The following METRN variants were observed in gnomAD, a reference collection of about 807,000 sequenced individuals.
The protein encoded by METRN is meteorin.
A neutral mutation model predicts 17.4 loss-of-function variants in METRN; 17 were observed. That is an observed-to-expected ratio of 0.98 (90% CI 0.67 to 1.46). METRN has a LOEUF of 1.46. Among genes scored for constraint, METRN ranks in the 40% most tolerant of loss-of-function variants. The pLI is 0.00. For synonymous variants in METRN, 230 were observed against 210.8 expected, an observed-to-expected ratio of 1.09 and a Z score of -0.79; for missense variants, 489 against 456.2, an observed-to-expected ratio of 1.07 and a Z score of -0.65.
At chr16:715,539 G>GGGGACCCGCCC (rs2040152706) in intron 1 of METRN, 45 bp from the exon 2 acceptor site, 2 of 1,291,028 alleles carry the variant, frequency 1.5e-6, no homozygotes, top group South Asian at 4.5e-5. Flanking sequence ...TGCGCCGGGC[G>GGGGACCCGCCC]GGGACCCGCC....
intron 2 of METRN, chr16:716,211 A>G: frequency 4.1e-6 from 4 of 985,230 alleles, no homozygotes; most frequent in Non-Finnish European, 4.8e-6. Context: ...GAGTGGAGGG[A>G]AGGGGAGGCC....
At position 717,748 on chromosome 16, in the gene METRN, T is replaced by G; in HGVS notation, c.*361T>G. On this transcript the variant is annotated 3_prime_UTR_variant, in exon 4 of 4. Transcript: ENST00000568223. Reference sequence around the variant, plus strand: ...CTGCTGCACCCACCAGCCCCGTCCTTGCCCGCACCCTTGCCTGCTTCCCTG... The same window carrying G: ...CTGCTGCACCCACCAGCCCCGTCCTGGCCCGCACCCTTGCCTGCTTCCCTG... 2 of 224,360 alleles carry G rather than the reference T, an allele frequency of 8.9e-6. No homozygotes were observed. Among genetic ancestry groups the G allele is most frequent in the Non-Finnish European group, 8.7e-6 (1 of 115,532 alleles). 13.9% of individuals were successfully genotyped at this position (224,360 alleles called of 1,614,324 possible). A position where few individuals can be genotyped will look rare whatever the true frequency, so the allele number is the denominator to read the frequency against.
rs1251325971 is a variant in METRN at position 718,987 on chromosome 16, C to G, written c.*1600C>G. 1 of 152,400 alleles carries G rather than the reference C, an allele frequency of 6.6e-6. No homozygotes were observed. The highest frequency in any genetic ancestry group is 1.5e-5 in the Non-Finnish European group (1 of 68,164). 9.4% of individuals were successfully genotyped at this position (152,400 alleles called of 1,614,324 possible). On this transcript the variant is annotated 3_prime_UTR_variant, in exon 4 of 4. Transcript: ENST00000568223. The stretch of plus-strand genomic sequence containing the variant: ...TAGCCCGTGTGCCCTCCTGCACCGC[C>G]TCCTCCACTCCTGTCTTGGAGAGGC...
Position 715,168 on chromosome 16 carries a change from T to TG in METRN, c.-117dup, listed in dbSNP as rs1457852348. ...GCGGCAGGCGGAGCGGCCGCGGGCT[T>TG]GGGGGCTTCGCCGGGGCCGGGCGGC... On this transcript the variant is annotated 5_prime_UTR_variant, in exon 1 of 4. Coordinates refer to ENST00000568223, the MANE Select transcript of METRN (RefSeq NM_024042.4). The TG allele has an allele frequency of 2.1e-5, 5 of 233,610 alleles. No homozygotes were observed. The highest frequency in any genetic ancestry group is 2.7e-5 in the Non-Finnish European group (4 of 146,876). 14.5% of individuals were successfully genotyped at this position (233,610 alleles called of 1,614,324 possible).
chr16:716,683 A>G (rs898018387), intron 2 of METRN: 1 of 1,535,422 alleles, frequency 6.5e-7, no homozygotes, highest in Non-Finnish European at 8.7e-7. Context: ...CATGGCCCCC[A>G]GGCCCACGTC....
At chr16:716,852 G>A (rs561234505) in intron 2 of METRN, 81 bp from the exon 3 acceptor site, 116 of 1,495,158 alleles carry the variant, frequency 7.8e-5, no homozygotes, top group African/African-American at 6.1e-4. Flanking sequence ...GCCTCCTGCC[G>A]CTTGTGCGGA....
rs757933553 is a variant in METRN, at chr16:718,411, C to T, written c.*1024C>T. On this transcript the variant is annotated 3_prime_UTR_variant, in exon 4 of 4. Transcript: ENST00000568223. Reference sequence around the variant, plus strand: ...AGCCCCAGAAATGGCTTTCCATTCTCGCCTGGGCCGGGGTGGGGGTGGAGG... The same window carrying T: ...AGCCCCAGAAATGGCTTTCCATTCTTGCCTGGGCCGGGGTGGGGGTGGAGG... 8 of 152,228 alleles carry T rather than the reference C, an allele frequency of 5.3e-5. No homozygotes were observed. The highest frequency in any genetic ancestry group is 1.0e-4 in the Non-Finnish European group (7 of 68,058). 9.4% of individuals were successfully genotyped at this position (152,228 alleles called of 1,614,324 possible).
Position 715,316 on chromosome 16 carries a change from C to G in METRN, c.27C>G (p.Leu9=), listed in dbSNP as rs1401183536. 1.5e-6 allele frequency: 2 copies of G among 1,351,242 alleles called. No homozygotes were observed. The highest frequency in any genetic ancestry group is 6.3e-5 in the East Asian group (2 of 31,692). The allele number at this position is 1,351,242 out of a possible 1,614,324, so 83.7% of individuals were successfully genotyped here. A position where few individuals can be genotyped will look rare whatever the true frequency, so the allele number is the denominator to read the frequency against. ...TGGGGTTCCCGGCCGCGGCGCTGCT[C>G]TGCGCGCTGTGCTGCGGCCTCCTGG... MGFPAAAL[L]CALCCGLLAP... The change falls in exon 1 of 4, where the codon CTC becomes CTG. Residue 9 remains leucine, a synonymous_variant. Transcript: ENST00000568223.
chr16:716,163 C>G (rs2040160313), intron 2 of METRN, 179 bp downstream of exon 2: 1 of 985,322 alleles, frequency 1.0e-6, no homozygotes, highest in South Asian at 4.7e-5. Context: ...CCCCGCCCTC[C>G]CTTCCCGATT....
Position 717,759 on chromosome 16 carries a change from T to G in METRN, c.*372T>G. ...ACCAGCCCCGTCCTTGCCCGCACCCTTGCCTGCTTCCCTGGCTGGCTCCCA... is the reference window on the plus strand; with the variant it reads ...ACCAGCCCCGTCCTTGCCCGCACCCGTGCCTGCTTCCCTGGCTGGCTCCCA... On this transcript the variant is annotated 3_prime_UTR_variant, in exon 4 of 4. Coordinates refer to ENST00000568223, the MANE Select transcript of METRN (RefSeq NM_024042.4). The G allele has an allele frequency of 4.8e-6, 1 of 206,790 alleles. No homozygotes were observed. Among genetic ancestry groups the G allele is most frequent in the Non-Finnish European group, 9.6e-6 (1 of 104,256 alleles). The allele number at this position is 206,790 out of a possible 1,614,324, so 12.8% of individuals were successfully genotyped here. A position where few individuals can be genotyped will look rare whatever the true frequency, so the allele number is the denominator to read the frequency against.
Position 717,526 on chromosome 16 carries a change from G to T in METRN, c.*139G>T. 2 of 758,872 alleles carry T rather than the reference G, an allele frequency of 2.6e-6. No individual in the cohort carries two copies. Among genetic ancestry groups the T allele is most frequent in the Non-Finnish European group, 3.7e-6 (2 of 537,056 alleles). The allele number at this position is 758,872 out of a possible 1,614,324, so 47.0% of individuals were successfully genotyped here. On this transcript the variant is annotated 3_prime_UTR_variant, in exon 4 of 4. Coordinates refer to ENST00000568223, the MANE Select transcript of METRN (RefSeq NM_024042.4). ...CTGTGTCCAGCCCAGCCTTGGGCCT[G>T]CCTCGCAGCTGTGAGGATGGCTCCA... is the stretch of plus-strand genomic sequence containing the variant.
In METRN at chr16:718,270, C is replaced by G. The variant is rs1305453049; in HGVS notation, c.*883C>G. 1 of 152,318 alleles carries G rather than the reference C, an allele frequency of 6.6e-6. No individual in the cohort carries two copies. Among genetic ancestry groups the G allele is most frequent in the African/African-American group, 2.4e-5 (1 of 41,466 alleles). 9.4% of individuals were successfully genotyped at this position (152,318 alleles called of 1,614,324 possible). A position where few individuals can be genotyped will look rare whatever the true frequency, so the allele number is the denominator to read the frequency against. On this transcript the variant is annotated 3_prime_UTR_variant, in exon 4 of 4. Coordinates refer to ENST00000568223, the MANE Select transcript of METRN (RefSeq NM_024042.4). ...CCCAAGGCTCCGAGGCTAAAAGCCC[C>G]TGGGTGGGGGTGTTCCAGGACACCT...
In METRN at chr16:719,435, C is replaced by G. The variant is rs1212400087; in HGVS notation, c.*2048C>G. On this transcript the variant is annotated 3_prime_UTR_variant, in exon 4 of 4. Coordinates refer to ENST00000568223, the MANE Select transcript of METRN (RefSeq NM_024042.4). ...ATCACAGACACCGCCAGGCAAGTGC[C>G]AGTTCACACAGGTACAGGTGGCTGC... 1 of 152,312 alleles carries G rather than the reference C, an allele frequency of 6.6e-6. No individual in the cohort carries two copies. The highest frequency in any genetic ancestry group is 2.4e-5 in the African/African-American group (1 of 41,460). 9.4% of individuals were successfully genotyped at this position (152,312 alleles called of 1,614,324 possible).
At position 717,304 on chromosome 16, in the gene METRN, GC is replaced by G; in HGVS notation, c.803del (p.Pro268HisfsTer47). 6.6e-7 allele frequency: 1 copy of G among 1,524,242 alleles called. No homozygotes were observed. Among genetic ancestry groups the G allele is most frequent in the Admixed American group, 2.0e-5 (1 of 49,564 alleles). The allele number at this position is 1,524,242 out of a possible 1,614,324, so 94.4% of individuals were successfully genotyped here. The part of the protein sequence containing the change: ...SRFGEARLGC[A>X]PRFQEFRRAY... ...CTTTGGGGAGGCCCGGCTGGGCTGT[GC>G]CCCACGATTCCAGGAGTTCCGCCGT... On this transcript the variant is annotated frameshift_variant, in exon 4 of 4. Coordinates refer to ENST00000568223, the MANE Select transcript of METRN (RefSeq NM_024042.4). LOFTEE classifies it low-confidence loss of function (END_TRUNC).
intron 2 of METRN, 73 bp from the exon 3 acceptor site, chr16:716,860 G>A (rs1424342972): frequency 4.5e-5 from 68 of 1,497,746 alleles, no homozygotes; most frequent in Middle Eastern, 2.0e-4. Context: ...CCGCTTGTGC[G>A]GACAAGGGAC....
intron 2 of METRN, 110 bp downstream of exon 2, chr16:716,094 C>T (rs2040159939): frequency 7.5e-7 from 1 of 1,337,078 alleles, no homozygotes; most frequent in African/African-American, 1.5e-5. Context: ...AAGTGAGCTA[C>T]AAGGGTTGGA....
Position 717,206 on chromosome 16 carries a change from C to T in METRN, c.701C>T (p.Thr234Ile). ...QAGRSGDQGL[T>I]SIRTPLRCGV... is the part of the protein sequence containing the mutation. ...GGGCGATCCGGGGACCAGGGGCTGA[C>T]CTCCATTCGTACCCCACTGCGCTGT... The change falls in exon 4 of 4, where the codon ACC becomes ATC. Residue 234 changes from threonine (T) to isoleucine (I), a missense_variant. By Grantham distance (89) the Thr-to-Ile change is moderately conservative. Transcript: ENST00000568223. The T allele has an allele frequency of 6.3e-7, 1 of 1,598,144 alleles. No individual in the cohort carries two copies. Among genetic ancestry groups the T allele is most frequent in the Non-Finnish European group, 8.5e-7 (1 of 1,174,850 alleles).
intron 2 of METRN, 171 bp from the exon 3 acceptor site, chr16:716,762 C>T (rs763237163): frequency 5.0e-5 from 76 of 1,533,958 alleles, no homozygotes; most frequent in African/African-American, 1.1e-4. Context: ...TCGCCGAGGG[C>T]GTGCACATCT....
Position 715,883 on chromosome 16 carries a change from C to G in METRN, c.404C>G (p.Pro135Arg). Residue 135 changes from proline (P) to arginine (R), a missense_variant, in exon 2 of 4, where the codon CCG (proline) becomes CGG (arginine). Pro to Arg is a moderately radical substitution (Grantham distance 103). Transcript: ENST00000568223. ...ERRALFLQAT[P>R]HQDISRRVAA... Reference sequence around the variant, plus strand: ...CGGGCCCTCTTCCTGCAGGCCACGCCGCACCAGGACATCAGCCGCCGCGTG... The same window carrying G: ...CGGGCCCTCTTCCTGCAGGCCACGCGGCACCAGGACATCAGCCGCCGCGTG... 1 of 1,443,004 alleles carries G rather than the reference C, an allele frequency of 6.9e-7. No individual in the cohort carries two copies. Among genetic ancestry groups the G allele is most frequent in the Non-Finnish European group, 9.1e-7 (1 of 1,104,054 alleles). 89.4% of individuals were successfully genotyped at this position (1,443,004 alleles called of 1,614,324 possible). A position where few individuals can be genotyped will look rare whatever the true frequency, so the allele number is the denominator to read the frequency against.
Sources: allele counts gnomAD v4.1 joint callset, GRCh38; gene constraint gnomAD v4.1.1; transcripts MANE v1.5; gene names NCBI Gene and HGNC (gene_info 2026-07-23, HGNC 2026-07-21).